The following PCNT variants were observed in gnomAD, a reference collection of about 807,000 sequenced individuals.
PCNT encodes pericentrin.
In PCNT, 319 loss-of-function variants were observed where a neutral mutation model predicts 380.4. That is an observed-to-expected ratio of 0.84 (90% CI 0.77 to 0.92). PCNT has a LOEUF of 0.92. Ranked by LOEUF, PCNT falls within the 40% of genes least tolerant of loss-of-function variation. The pLI is 0.00. For synonymous variants in PCNT, 1,845 were observed against 1,735.2 expected, an observed-to-expected ratio of 1.06 and a Z score of -1.57; for missense variants, 4,400 against 4,255.3, an observed-to-expected ratio of 1.03 and a Z score of -0.95.
At chr21:46,349,619 C>G in intron 7 of PCNT, 65 bp from the exon 8 acceptor site, 1 of 1,550,172 alleles carries the variant, frequency 6.5e-7, no homozygotes, top group Admixed American at 1.7e-5. Flanking sequence ...CCATTATTGT[C>G]ACTGAGGTCG....
Position 46,416,787 on chromosome 21 carries a change from A to G in PCNT, c.6869A>G (p.Gln2290Arg), listed in dbSNP as rs774627459. The change falls in exon 30 of 47, where the codon CAG (glutamine) becomes CGG (arginine). Residue 2290 changes from glutamine to arginine, a missense_variant. Physicochemically the swap from Gln to Arg is conservative, Grantham distance 43 (BLOSUM62 1). Coordinates refer to ENST00000359568, the MANE Select transcript of PCNT (RefSeq NM_006031.6). ...GTGTCTGCAGCAGCGCTGGCACTGC[A>G]GTGGGCCGAGTCTCCGCCGGCTGAC... ...PGVSAAALALQWAESPPADDH... is the reference protein window; with the variant it reads ...PGVSAAALALRWAESPPADDH... 9.4e-6 allele frequency: 15 copies of G among 1,601,762 alleles called. No homozygotes were observed. Among genetic ancestry groups the G allele is most frequent in the Non-Finnish European group, 8.5e-7 (1 of 1,179,170 alleles).
intron 12 of PCNT, 31 bp from the exon 13 acceptor site, chr21:46,356,943 T>G: frequency 2.5e-6 from 4 of 1,602,916 alleles, no homozygotes; most frequent in Non-Finnish European, 3.4e-6. Context: ...GGCACCGGCC[T>G]GACTGTCTTC....
rs761647892 is a variant in PCNT at position 46,326,588 on chromosome 21, A to G, written c.266A>G (p.Gln89Arg). Residue 89 changes from glutamine (Q) to arginine (R), a missense_variant and splice_region_variant, in exon 2 of 47, where the codon CAG becomes CGG. Physicochemically the swap from Gln to Arg is conservative, Grantham distance 43 (BLOSUM62 1). Transcript: ENST00000359568. ...GGGGCAGGAGGGGCCTTTGCAGCTC[A>G]GGTAGATTTGCTCAATGTTGTATTT... ...PDGAGGAFAA[Q>R]PEDCDGEKRE... 4 of 1,613,240 alleles carry G rather than the reference A, an allele frequency of 2.5e-6. No individual in the cohort carries two copies. Among genetic ancestry groups the G allele is most frequent in the Middle Eastern group, 1.7e-4 (1 of 6,050 alleles).
intron 15 of PCNT, among the ~76,000 whole-genome samples, chr21:46,373,158 C>T (rs1441832718): frequency 6.6e-6 from 1 of 152,024 alleles, no homozygotes. Context: ...GTAGCTGGGA[C>T]TACAGATGTG....
chr21:46,402,963 T>C (rs2086478773), intron 27 of PCNT, among the ~76,000 whole-genome samples: 1 of 152,272 alleles, frequency 6.6e-6, no homozygotes, highest in Admixed American at 6.5e-5. Context: ...TTTAAATCTT[T>C]TATTTTAATG....
At chr21:46,328,985 A>G (rs149021827) in intron 2 of PCNT, among the ~76,000 whole-genome samples, 1 of 151,558 alleles carries the variant, frequency 6.6e-6, no homozygotes, top group East Asian at 1.9e-4. Context: ...CACATTGGCC[A>G]GGCTGGTCTC....
chr21:46,391,940 G>C (rs74966935), intron 21 of PCNT, among the ~76,000 whole-genome samples: 4 of 152,206 alleles, frequency 2.6e-5, no homozygotes, highest in African/African-American at 9.7e-5. Context: ...TCTCAGGCAC[G>C]TGGGAGGCAG....
intron 37 of PCNT, 143 bp from the exon 38 acceptor site, chr21:46,431,383 ATGT>A (rs780235652): frequency 9.0e-5 from 134 of 1,482,648 alleles, no homozygotes; most frequent in Non-Finnish European, 1.1e-4. Flanking sequence ...TAACAAAAAA[ATGT>A]TGTCCCTACA....
chr21:46,431,905 A>G lies in PCNT; in HGVS notation c.8441A>G (p.Gln2814Arg), dbSNP rs1601189333. ...GCGATGCTTGAAAAGGTGCAGCAGC[A>G]AGCCCTGCATTCTCAGCAGCAGCTT... ...LQAMLEKVQQQALHSQQQLEA... is the reference protein window; with the variant it reads ...LQAMLEKVQQRALHSQQQLEA... Residue 2814 changes from glutamine (Q) to arginine (R), a missense_variant, in exon 38 of 47, where the codon CAA becomes CGA. Transcript: ENST00000359568. 6.2e-7 allele frequency: 1 copy of G among 1,614,122 alleles called. No individual in the cohort carries two copies. The highest frequency in any genetic ancestry group is 2.2e-5 in the East Asian group (1 of 44,884).
At chr21:46,380,285 C>A (rs1353195941) in intron 15 of PCNT, among the ~76,000 whole-genome samples, 1 of 150,054 alleles carries the variant, frequency 6.7e-6, no homozygotes, top group Non-Finnish European at 1.5e-5. Context: ...CCTCAGACTC[C>A]CGAGTAGGTG....
intron 27 of PCNT, among the ~76,000 whole-genome samples, chr21:46,403,119 G>A (rs78081621): frequency 1.3e-5 from 2 of 151,840 alleles, no homozygotes; most frequent in East Asian, 2.0e-4. Context: ...CACACAACAC[G>A]TGCTCAGTGA....
intron 29 of PCNT, among the ~76,000 whole-genome samples, chr21:46,413,314 G>A (rs112932242): frequency 6.4e-5 from 6 of 93,446 alleles, no homozygotes; most frequent in East Asian, 3.0e-4. Context: ...GGGAAGGCAC[G>A]AGGCCCACCC....
intron 11 of PCNT, among the ~76,000 whole-genome samples, chr21:46,355,084 C>T (rs956428803): frequency 2.0e-5 from 3 of 152,164 alleles, no homozygotes; most frequent in African/African-American, 4.8e-5. Flanking sequence ...CTTGAGAGCC[C>T]AGCCCTGAGA....
chr21:46,397,166 G>C (rs949987077), intron 21 of PCNT, 99 bp from the exon 22 acceptor site: 1 of 942,278 alleles, frequency 1.1e-6, no homozygotes, highest in African/African-American at 1.6e-5. Flanking sequence ...CTTCATTTTC[G>C]GTGGGTTTTG....
intron 46 of PCNT, 117 bp from the exon 47 acceptor site, chr21:46,445,161 AATTCAT>A: frequency 1.3e-6 from 1 of 778,182 alleles, no homozygotes; most frequent in Non-Finnish European, 2.3e-6. Context: ...ACCACTGTAT[AATTCAT>A]ATTTTTACCA....
Position 46,363,641 on chromosome 21 carries a change from T to C in PCNT, c.2316T>C (p.Leu772=), listed in dbSNP as rs1311758252. ...AGGAGAAGTTAACATTGATGCTACTTGAACTGAGAGAAAAGGCTGAATCCG... is the reference window on the plus strand; with the variant it reads ...AGGAGAAGTTAACATTGATGCTACTCGAACTGAGAGAAAAGGCTGAATCCG... ...EAEEKLTLML[L]ELREKAESEK... Residue 772 remains leucine (L), a synonymous_variant, in exon 14 of 47, where the codon CTT becomes CTC. Coordinates refer to ENST00000359568, the MANE Select transcript of PCNT (RefSeq NM_006031.6). 1.2e-6 allele frequency: 2 copies of C among 1,614,114 alleles called. No individual in the cohort carries two copies. The highest frequency in any genetic ancestry group is 3.3e-5 in the Admixed American group (2 of 60,014).
chr21:46,353,798 C>T (rs896869638), intron 10 of PCNT, among the ~76,000 whole-genome samples, 189 bp from the exon 11 acceptor site: 3 of 151,678 alleles, frequency 2.0e-5, no homozygotes, highest in African/African-American at 7.3e-5. Flanking sequence ...TTCTTCCAGA[C>T]CTGCATGTCC....
At chr21:46,324,604 G>A (rs1199556945) in intron 1 of PCNT, among the ~76,000 whole-genome samples, 4 of 150,606 alleles carry the variant, frequency 2.7e-5, no homozygotes, top group Non-Finnish European at 4.4e-5. Flanking sequence ...GCACGCCGGG[G>A]CGGGGTGTGG....
At chr21:46,397,587 T>A in intron 22 of PCNT, 93 bp downstream of exon 22, 2 of 1,102,420 alleles carry the variant, frequency 1.8e-6, no homozygotes, top group Non-Finnish European at 2.7e-6. Context: ...GCTTCTGCAG[T>A]AGGATGTTGA....
Sources: gnomAD v4.1 joint callset for allele counts (sites outside exome capture counted in the v4.1 genomes callset) on GRCh38, gnomAD v4.1.1 for gene constraint, MANE v1.5 for transcripts, NCBI Gene and HGNC (gene_info 2026-07-23, HGNC 2026-07-21) for gene names.